The following TBC1D8B variants were observed in gnomAD, a reference collection of about 807,000 sequenced individuals.
The protein encoded by TBC1D8B is RP11-321G1.1.
Under a neutral mutation model 82.9 loss-of-function variants are expected in TBC1D8B, and 75 were observed. The ratio of observed to expected loss-of-function variants is 0.90; its 90% CI spans 0.75 to 1.10. The LOEUF is 1.10. Ranked by LOEUF, TBC1D8B falls within the 50% of genes least tolerant of loss-of-function variation. TBC1D8B has a pLI of 0.00. For missense variants in TBC1D8B, 794 were observed against 796.9 expected, an observed-to-expected ratio of 1.00 and a Z score of 0.04; for synonymous variants, 276 against 276.8, an observed-to-expected ratio of 1.00 and a Z score of 0.03.
chrX:106,864,512 CTTTTTTT>C (rs771983121), intron 14 of TBC1D8B, among the ~76,000 whole-genome samples: 21 of 82,467 alleles, frequency 2.5e-4, no homozygotes, highest in African/African-American at 9.7e-4. Flanking sequence ...TGCTGGGCAC[CTTTTTTT>C]TTTTTTTTTT....
At position 106,841,479 on chromosome X, in the gene TBC1D8B, A is replaced by G. The variant is rs1389108524; in HGVS notation, c.1719+595A>G. Among the ~76,000 whole-genome samples, 7 of 110,233 alleles carry G rather than the reference A, an allele frequency of 6.4e-5. No homozygotes were observed. The South Asian group carries it at 1.9e-3, about 30-fold the overall frequency. On this transcript the variant is annotated intron_variant, in intron 10 of 20. Transcript: ENST00000357242. ...CATGTTTGTTTAGTTTGGTAGAAAC[A>G]TAGGGTGGATGAAGTGAAGTAGTTG...
intron 10 of TBC1D8B, among the ~76,000 whole-genome samples, chrX:106,841,348 A>G (rs747505095): frequency 5.9e-4 from 66 of 112,131 alleles, no homozygotes; most frequent in Middle Eastern, 4.6e-3. Context: ...AGTCTTAAAA[A>G]TTGGTGAATT....
At chrX:106,803,587 A>G (rs1931099225) in intron 1 of TBC1D8B, among the ~76,000 whole-genome samples, 1 of 111,185 alleles carries the variant, frequency 9.0e-6, no homozygotes, top group African/African-American at 3.3e-5. Context: ...TTTGTCTCCA[A>G]GTTTTCAATC....
In TBC1D8B at chrX:106,840,120, C is replaced by T. The variant is rs745935519; in HGVS notation, c.1426C>T (p.Arg476Ter). 9.9e-6 allele frequency: 12 copies of T among 1,209,105 alleles called. No homozygotes were observed. The South Asian group carries it at 1.1e-4, about 11-fold the overall frequency. ...ATGTGGACGTGGTGTTAGTATGTTT[C>T]GAACCAAAAAGACTCGAGATCTTGT... is the stretch of plus-strand genomic sequence containing the variant. ...AECGRGVSMFRTKKTRDLVVR... is the reference protein window; with the variant it reads ...AECGRGVSMF The change falls in exon 9 of 21, where the codon CGA becomes TGA. Residue 476 changes from arginine (R) to a stop codon, truncating the protein, a stop_gained. Transcript: ENST00000357242. LOFTEE classifies it high-confidence loss of function.
intron 11 of TBC1D8B, chrX:106,849,821 C>A (rs1932549814): frequency 1.0e-6 from 1 of 999,971 alleles, no homozygotes; most frequent in African/African-American, 2.0e-5. Flanking sequence ...CAATAAATAA[C>A]TCTTCAAATG....
chrX:106,843,190 C>T (rs955198641), intron 10 of TBC1D8B, among the ~76,000 whole-genome samples: 1 of 111,303 alleles, frequency 9.0e-6, no homozygotes, highest in Non-Finnish European at 1.9e-5. Context: ...CTTTATTATT[C>T]TTGTGGGTAA....
At chrX:106,842,601 C>CTCTATCTATCTATCTA (rs55764545) in intron 10 of TBC1D8B, among the ~76,000 whole-genome samples, 1 of 95,299 alleles carries the variant, frequency 1.0e-5, no homozygotes, top group African/African-American at 3.8e-5. Flanking sequence ...GGCTAGCTTG[C>CTCTATCTATCTATCTA]TCTATCTATC....
At chrX:106,803,538 C>T (rs1179176500) in intron 1 of TBC1D8B, among the ~76,000 whole-genome samples, 1 of 110,876 alleles carries the variant, frequency 9.0e-6, no homozygotes, top group African/African-American at 3.3e-5. Context: ...GAGGGGTAGG[C>T]TCAGAATTGC....
chrX:106,864,396 TAGATGATTGGCTTTTAGGGTCAGTGTTC>T (rs1209510459), intron 14 of TBC1D8B, among the ~76,000 whole-genome samples: 2 of 110,534 alleles, frequency 1.8e-5, no homozygotes, highest in Non-Finnish European at 3.8e-5. Context: ...TGTGGTTTCT[TAGATGATTGGCTTTTAGGGTCAGTGTTC>T]ACTAAACCCT....
intron 14 of TBC1D8B, 54 bp from the exon 15 acceptor site, chrX:106,865,505 T>G (rs1215846407): frequency 2.0e-6 from 2 of 982,050 alleles, no homozygotes; most frequent in African/African-American, 3.8e-5. Flanking sequence ...AAAGAGAATT[T>G]CTTTACTGCA....
Position 106,802,756 on chromosome X carries a change from A to G in TBC1D8B, c.-98A>G. 1 of 1,134,192 alleles carries G rather than the reference A, an allele frequency of 8.8e-7. No homozygotes were observed. The highest frequency in any genetic ancestry group is 2.0e-5 in the South Asian group (1 of 49,686). The allele number at this position is 1,134,192 out of a possible 1,213,427, so 93.5% of individuals were successfully genotyped here. On this transcript the variant is annotated 5_prime_UTR_variant, in exon 1 of 21. Transcript: ENST00000357242. ...GAACCTGAGCTGCTGTCGCCTGAGG[A>G]AGATTTGGTGGGAGGAGAAGCAGAG...
Position 106,802,764 on chromosome X carries a change from G to A in TBC1D8B, c.-90G>A. The stretch of plus-strand genomic sequence containing the variant: ...GCTGCTGTCGCCTGAGGAAGATTTG[G>A]TGGGAGGAGAAGCAGAGGGGAAGAG... On this transcript the variant is annotated 5_prime_UTR_variant, in exon 1 of 21. In the 5' UTR this introduces an upstream ATG that the reference lacks. Transcript: ENST00000357242. 1.7e-6 allele frequency: 2 copies of A among 1,153,065 alleles called. No individual in the cohort carries two copies. The highest frequency in any genetic ancestry group is 1.2e-6 in the Non-Finnish European group (1 of 853,985).
chrX:106,873,013 CA>C (rs1932860444), intron 20 of TBC1D8B, among the ~76,000 whole-genome samples: 2 of 111,871 alleles, frequency 1.8e-5, no homozygotes, highest in African/African-American at 6.5e-5. Context: ...TGCTGGCAGG[CA>C]AACAGTCCAG....
At chrX:106,818,586 G>C in intron 1 of TBC1D8B, 77 bp from the exon 2 acceptor site, 3 of 722,453 alleles carry the variant, frequency 4.2e-6, no homozygotes, top group Non-Finnish European at 6.0e-6. Flanking sequence ...AAATTTATTA[G>C]TTTGTTATAT....
At chrX:106,809,866 A>G (rs1470839494) in intron 1 of TBC1D8B, among the ~76,000 whole-genome samples, 1 of 103,694 alleles carries the variant, frequency 9.6e-6, no homozygotes, top group Non-Finnish European at 2.0e-5. Context: ...CCTGGGTAAC[A>G]AGAGTGAGAC....
intron 10 of TBC1D8B, among the ~76,000 whole-genome samples, chrX:106,845,136 C>T (rs1932407364): frequency 9.1e-6 from 1 of 110,395 alleles, no homozygotes; most frequent in African/African-American, 3.3e-5. Context: ...CTCACTTTTG[C>T]ACTCTTGATC....
At chrX:106,823,163 T>C in intron 4 of TBC1D8B, 63 bp from the exon 5 acceptor site, 2 of 1,085,294 alleles carry the variant, frequency 1.8e-6, no homozygotes, top group East Asian at 6.1e-5. Flanking sequence ...TCAGAAGAAC[T>C]GATTAATAAA....
In TBC1D8B at chrX:106,823,161, A is replaced by C. The variant is rs6523898; in HGVS notation, c.587-65A>C. 38,079 of 1,069,711 alleles carry C rather than the reference A, an allele frequency of 0.036. 8,157 individuals carry two copies. In the African/African-American group the frequency reaches 0.63, roughly 18 times the overall value. The allele number at this position is 1,069,711 out of a possible 1,213,427, so 88.2% of individuals were successfully genotyped here. ...AGGGATTAACTATTGTTTCAGAAGAACTGATTAATAAACATAAATCACTAT... is the reference window on the plus strand; with the variant it reads ...AGGGATTAACTATTGTTTCAGAAGACCTGATTAATAAACATAAATCACTAT... On this transcript the variant is annotated intron_variant, in intron 4 of 20. Transcript: ENST00000357242.
At chrX:106,814,009 C>T (rs750790505) in intron 1 of TBC1D8B, 1 of 105,849 alleles carries the variant, frequency 9.4e-6, no homozygotes. Context: ...CCTCCCCCCT[C>T]CCGCCACCCC....
Sources: allele counts gnomAD v4.1 joint callset (sites outside exome capture counted in the v4.1 genomes callset), GRCh38; gene constraint gnomAD v4.1.1; transcripts MANE v1.5; gene names NCBI Gene and HGNC (gene_info 2026-07-23, HGNC 2026-07-21).